The following VTI1A variants were observed in gnomAD, a reference collection of about 807,000 sequenced individuals.
VTI1A encodes vesicle transport through interaction with t-SNAREs homolog 1A.
A neutral mutation model predicts 34.9 loss-of-function variants in VTI1A; 22 were observed. That is an observed-to-expected ratio of 0.63 (90% CI 0.45 to 0.90). The LOEUF (loss-of-function observed/expected upper bound fraction) is 0.90. VTI1A is among the 40% of genes least tolerant of loss of function. The pLI is 0.00. For missense variants in VTI1A, 268 were observed against 275.6 expected (o/e 0.97, Z 0.20); for synonymous variants, 87 against 97.3 (o/e 0.89, Z 0.62).
rs555289104 is a variant in VTI1A at position 112,817,573 on chromosome 10, C to T, written c.*2190C>T. The T allele has an allele frequency of 4.4e-6, 1 of 229,404 alleles. No homozygotes were observed. The highest frequency in any genetic ancestry group is 1.8e-4 in the South Asian group (1 of 5,490). 14.2% of individuals were successfully genotyped at this position (229,404 alleles called of 1,614,324 possible). Reference sequence around the variant, plus strand: ...CATCAAACCTCCTTGAGAGCAACTACCTAGGCCAGGCTAGTGAGTGCTTTG... The same window carrying T: ...CATCAAACCTCCTTGAGAGCAACTATCTAGGCCAGGCTAGTGAGTGCTTTG... On this transcript the variant is annotated 3_prime_UTR_variant, in exon 8 of 8. Transcript: ENST00000393077.
At chr10:112,567,460 A>G (rs2166236) in intron 5 of VTI1A, among the ~76,000 whole-genome samples, 12 of 152,294 alleles carry the variant, frequency 7.9e-5, no homozygotes, top group African/African-American at 2.2e-4. Context: ...CTATATCTCA[A>G]TTCTGTTGTG....
intron 5 of VTI1A, among the ~76,000 whole-genome samples, chr10:112,663,491 C>T (rs944024630): frequency 3.3e-5 from 5 of 152,146 alleles, no homozygotes; most frequent in African/African-American, 4.8e-5. Context: ...CTTTCTACAT[C>T]GTAACTGGAA....
intron 5 of VTI1A, among the ~76,000 whole-genome samples, chr10:112,555,543 T>C (rs571561958): frequency 8.5e-5 from 13 of 152,200 alleles, no homozygotes; most frequent in African/African-American, 2.9e-4. Context: ...AACACAGTTG[T>C]ACCCATTTCA....
chr10:112,845,567 G>A, the VTI1A span, among the ~76,000 whole-genome samples: 1 of 152,170 alleles, frequency 6.6e-6, no homozygotes, highest in Non-Finnish European at 1.5e-5. Flanking sequence ...CGGGAGAAGC[G>A]GTAGCTTCGT....
Position 112,800,754 on chromosome 10 carries a change from A to G in VTI1A, c.561-14536A>G, listed in dbSNP as rs555728465. Among the ~76,000 whole-genome samples the G allele has an allele frequency of 1.7e-3, 252 of 152,300 alleles. 1 individual carries two copies. Among genetic ancestry groups the G allele is most frequent in the Admixed American group, 5.6e-3 (86 of 15,298 alleles). On this transcript the variant is annotated intron_variant, in intron 7 of 7. Coordinates refer to ENST00000393077, the MANE Select transcript of VTI1A (RefSeq NM_145206.4). Reference sequence around the variant, plus strand: ...TTCACTCTTTATTTTGCCCAGTAGGAAAGAGTAATTTCCAATGAGAGACTA... The same window carrying G: ...TTCACTCTTTATTTTGCCCAGTAGGGAAGAGTAATTTCCAATGAGAGACTA...
chr10:112,796,788 A>G (rs917956168), intron 7 of VTI1A, among the ~76,000 whole-genome samples: 2 of 152,226 alleles, frequency 1.3e-5, no homozygotes, highest in African/African-American at 2.4e-5. Flanking sequence ...ATAGTTCTCT[A>G]TCAAGTAAAC....
chr10:112,779,985 T>C (rs1316213819), intron 7 of VTI1A, among the ~76,000 whole-genome samples: 2 of 152,028 alleles, frequency 1.3e-5, no homozygotes, highest in Non-Finnish European at 2.9e-5. Context: ...GTTACTGAGA[T>C]TGTTTAATTC....
At chr10:112,802,680 C>T (rs996168536) in intron 7 of VTI1A, among the ~76,000 whole-genome samples, 1 of 152,198 alleles carries the variant, frequency 6.6e-6, no homozygotes, top group Non-Finnish European at 1.5e-5. Flanking sequence ...GATTTTCTAG[C>T]CCCATGCTTT....
downstream of VTI1A, among the ~76,000 whole-genome samples, chr10:112,821,116 A>AG (rs1190945822): frequency 3.3e-5 from 5 of 152,172 alleles, no homozygotes; most frequent in Admixed American, 1.3e-4. Context: ...GACATCACAG[A>AG]GGGGGCAGTC....
intron 7 of VTI1A, among the ~76,000 whole-genome samples, chr10:112,673,333 A>G (rs957903673): frequency 3.3e-5 from 5 of 151,418 alleles, no homozygotes; most frequent in Non-Finnish European, 7.4e-5. Context: ...AAAAAAAAAG[A>G]AAAAGGAAAA....
At chr10:112,596,062 A>T (rs199910144) in intron 5 of VTI1A, among the ~76,000 whole-genome samples, 8 of 151,170 alleles carry the variant, frequency 5.3e-5, no homozygotes, top group Admixed American at 1.3e-4. Context: ...TATCGCAAGG[A>T]CAAAAAACCA....
chr10:112,568,991 C>CGG (rs952607862), intron 5 of VTI1A, among the ~76,000 whole-genome samples: 79 of 152,102 alleles, frequency 5.2e-4, no homozygotes, highest in African/African-American at 1.9e-3. Flanking sequence ...CCTGTCTCTG[C>CGG]TAAAAATACA....
intron 7 of VTI1A, among the ~76,000 whole-genome samples, chr10:112,756,209 A>G (rs1851277743): frequency 6.6e-6 from 1 of 152,216 alleles, no homozygotes; most frequent in African/African-American, 2.4e-5. Context: ...GCAACTCCAC[A>G]GGCACATAAG....
intron 7 of VTI1A, among the ~76,000 whole-genome samples, chr10:112,714,720 G>A (rs1590105816): frequency 6.6e-6 from 1 of 152,272 alleles, no homozygotes; most frequent in East Asian, 1.9e-4. Context: ...AACTCAGATG[G>A]GTGCCCAGGC....
chr10:112,510,436 C>T (rs1251996134), intron 3 of VTI1A, among the ~76,000 whole-genome samples: 2 of 151,998 alleles, frequency 1.3e-5, no homozygotes, highest in Non-Finnish European at 2.9e-5. Flanking sequence ...GAGTTCAAAA[C>T]CAGCCTGGGC....
At chr10:112,564,885 T>G (rs1425007276) in intron 5 of VTI1A, among the ~76,000 whole-genome samples, 2 of 152,164 alleles carry the variant, frequency 1.3e-5, no homozygotes, top group Non-Finnish European at 2.9e-5. Flanking sequence ...CCAATAATTT[T>G]TGTTTTCTTT....
chr10:112,690,505 A>G (rs958405639), intron 7 of VTI1A, among the ~76,000 whole-genome samples: 38 of 152,184 alleles, frequency 2.5e-4, no homozygotes, highest in African/African-American at 8.9e-4. Flanking sequence ...CCTCATTTAC[A>G]TTACCCACCT....
At chr10:112,692,873 C>T (rs1464731473) in intron 7 of VTI1A, among the ~76,000 whole-genome samples, 3 of 152,250 alleles carry the variant, frequency 2.0e-5, no homozygotes, top group Admixed American at 6.5e-5. Flanking sequence ...CCCATCTCCC[C>T]ACCAGACAGT....
At chr10:112,752,305 G>T (rs546687589) in intron 7 of VTI1A, 2 of 947,706 alleles carry the variant, frequency 2.1e-6, no homozygotes, top group East Asian at 2.3e-4. Flanking sequence ...CTTCTCTGTT[G>T]TCATACTGAT....
Sources: allele counts gnomAD v4.1 joint callset (sites outside exome capture counted in the v4.1 genomes callset), GRCh38; gene constraint gnomAD v4.1.1; transcripts MANE v1.5; gene names NCBI Gene and HGNC (gene_info 2026-07-23, HGNC 2026-07-21).